Variants in SPAM1 observed in about 807,000 individuals in gnomAD.
SPAM1 encodes the protein hyaluronidase PH-20.
SPAM1 carries 22 observed loss-of-function variants against 29.6 expected under a neutral mutation model. The ratio of observed to expected loss-of-function variants is 0.74; its 90% CI spans 0.53 to 1.06. SPAM1 has a LOEUF of 1.06. Among genes scored for constraint, SPAM1 ranks in the 50% least tolerant of loss-of-function variants. The pLI, the probability that SPAM1 is intolerant of heterozygous loss-of-function variation, is 0.00. For synonymous variants in SPAM1, 194 were observed against 204.6 expected, an observed-to-expected ratio of 0.95 and a Z score of 0.44; for missense variants, 534 against 604.0, an observed-to-expected ratio of 0.88 and a Z score of 1.21.
chr7:123,944,141 C>T (rs1228930426), intron 1 of SPAM1, among the ~76,000 whole-genome samples: 1 of 152,092 alleles, frequency 6.6e-6, no homozygotes, highest in Non-Finnish European at 1.5e-5. Flanking sequence ...TATGATCTCA[C>T]ATGCCTAGCT....
At chr7:123,942,611 G>A (rs1363381319) in intron 1 of SPAM1, among the ~76,000 whole-genome samples, 1 of 152,078 alleles carries the variant, frequency 6.6e-6, no homozygotes, top group Non-Finnish European at 1.5e-5. Flanking sequence ...TGACTTTAAT[G>A]CCTTAAGCCC....
At chr7:123,964,788 T>C (rs142881364), downstream of SPAM1, among the ~76,000 whole-genome samples, 41 of 152,160 alleles carry the variant, frequency 2.7e-4, no homozygotes, top group African/African-American at 9.4e-4. Flanking sequence ...CAGGAAAAAC[T>C]GTTAAAACTG....
chr7:123,960,782 C>T (rs1016520677), downstream of SPAM1, among the ~76,000 whole-genome samples: 5 of 151,424 alleles, frequency 3.3e-5, no homozygotes, highest in Middle Eastern at 3.4e-3. Flanking sequence ...AATTTTTTTG[C>T]GGCATTACAT....
rs1455318029 is a variant in SPAM1 at position 123,959,512 on chromosome 7, T to C, written c.1073T>C (p.Met358Thr). 1.2e-6 allele frequency: 2 copies of C among 1,609,198 alleles called. No individual in the cohort carries two copies. Among genetic ancestry groups the C allele is most frequent in the East Asian group, 2.2e-5 (1 of 44,758 alleles). The part of the protein sequence containing the change: ...MKSCLLLDNY[M>T]ETILNPYIIN... The stretch of plus-strand genomic sequence containing the variant: ...TCTTGCTTGCTCCTAGACAATTACA[T>C]GGAGACTATACTGAATCCTTACATA... The change falls in exon 5 of 5, where the codon ATG (methionine) becomes ACG (threonine). Residue 358 changes from methionine (M) to threonine (T), a missense_variant. Coordinates refer to ENST00000682466, the MANE Select transcript of SPAM1 (RefSeq NM_153189.3).
At chr7:123,940,772 A>G (rs1337160473) in intron 1 of SPAM1, among the ~76,000 whole-genome samples, 1 of 152,194 alleles carries the variant, frequency 6.6e-6, no homozygotes, top group Non-Finnish European at 1.5e-5. Context: ...CTGGAATTAC[A>G]GCCATGAGCT....
At chr7:123,939,231 G>GC (rs1563023637) in intron 1 of SPAM1, among the ~76,000 whole-genome samples, 1 of 151,858 alleles carries the variant, frequency 6.6e-6, no homozygotes, top group African/African-American at 2.4e-5. Context: ...GACTACAGGC[G>GC]CCCGCCATCA....
At chr7:123,940,196 T>C (rs1808388037) in intron 1 of SPAM1, among the ~76,000 whole-genome samples, 2 of 152,190 alleles carry the variant, frequency 1.3e-5, no homozygotes, top group African/African-American at 4.8e-5. Flanking sequence ...ATTTTGAGTT[T>C]AGTGAAATTT....
chr7:123,937,596 CAAAA>C (rs5887154), intron 1 of SPAM1, among the ~76,000 whole-genome samples: 1 of 85,856 alleles, frequency 1.2e-5, no homozygotes. Context: ...GACTCCATCT[CAAAA>C]AAAAAAAAAA....
intron 1 of SPAM1, among the ~76,000 whole-genome samples, chr7:123,947,432 C>G (rs1478915746): frequency 2.6e-5 from 4 of 152,052 alleles, no homozygotes; most frequent in Non-Finnish European, 4.4e-5. Flanking sequence ...CGCCTGTAGT[C>G]CCAACTACTT....
At chr7:123,935,183 T>C (rs1808214084) in intron 1 of SPAM1, among the ~76,000 whole-genome samples, 1 of 152,130 alleles carries the variant, frequency 6.6e-6, no homozygotes, top group South Asian at 2.1e-4. Context: ...TGCCTGTACA[T>C]GGGAAATTTT....
At chr7:123,936,519 A>G (rs1405093069) in intron 1 of SPAM1, among the ~76,000 whole-genome samples, 1 of 152,178 alleles carries the variant, frequency 6.6e-6, no homozygotes, top group Non-Finnish European at 1.5e-5. Flanking sequence ...TAGAGCAGTT[A>G]GGGGGAATTG....
At chr7:123,934,858 G>A (rs1808206002) in intron 1 of SPAM1, among the ~76,000 whole-genome samples, 1 of 152,086 alleles carries the variant, frequency 6.6e-6, no homozygotes, top group Admixed American at 6.5e-5. Flanking sequence ...AATAGGCAGA[G>A]GTTGGTAAAT....
intron 1 of SPAM1, among the ~76,000 whole-genome samples, chr7:123,945,315 C>T (rs909271996): frequency 2.0e-5 from 3 of 151,336 alleles, no homozygotes; most frequent in Admixed American, 2.0e-4. Flanking sequence ...GGAGGAAAGG[C>T]AATGAAGAAG....
chr7:123,930,523 T>C (rs987960877), intron 1 of SPAM1, among the ~76,000 whole-genome samples: 4 of 152,190 alleles, frequency 2.6e-5, no homozygotes, highest in Non-Finnish European at 5.9e-5. Context: ...GACTCTCATT[T>C]CACAAACATT....
At chr7:123,938,087 CTTT>C (rs112674188) in intron 1 of SPAM1, among the ~76,000 whole-genome samples, 1 of 137,064 alleles carries the variant, frequency 7.3e-6, no homozygotes. Flanking sequence ...ACAAAATGTG[CTTT>C]TTTTTTTTTT....
intron 1 of SPAM1, among the ~76,000 whole-genome samples, chr7:123,937,383 C>T (rs1239794952): frequency 2.0e-5 from 3 of 152,070 alleles, no homozygotes; most frequent in African/African-American, 2.4e-5. Flanking sequence ...GGGCGGATCA[C>T]AAAGTCAGGA....
chr7:123,955,629 T>C (rs113539218), intron 4 of SPAM1, among the ~76,000 whole-genome samples: 110 of 152,148 alleles, frequency 7.2e-4, no homozygotes, highest in African/African-American at 2.5e-3. Context: ...GTCTATACTC[T>C]AGTAGTCTAA....
At chr7:123,966,435 A>T (rs956221733) in intron 5 of SPAM1, among the ~76,000 whole-genome samples, 1 of 152,106 alleles carries the variant, frequency 6.6e-6, no homozygotes, top group African/African-American at 2.4e-5. Flanking sequence ...TATCCAAAGG[A>T]ATATAAATCA....
At chr7:123,952,607 C>T (rs1157036153) in intron 2 of SPAM1, among the ~76,000 whole-genome samples, 1 of 152,030 alleles carries the variant, frequency 6.6e-6, no homozygotes, top group Admixed American at 6.6e-5. Flanking sequence ...TTCACTTTGT[C>T]ACAATCAGAA....
Sources: gnomAD v4.1 joint callset for allele counts (sites outside exome capture counted in the v4.1 genomes callset) on GRCh38, gnomAD v4.1.1 for gene constraint, MANE v1.5 for transcripts, NCBI Gene and HGNC (gene_info 2026-07-23, HGNC 2026-07-21) for gene names.